The following ESYT2 variants were observed in gnomAD, a reference collection of about 807,000 sequenced individuals.
ESYT2 encodes the protein extended synaptotagmin-2.
In ESYT2, 54 loss-of-function variants were observed where a neutral mutation model predicts 107.2. That is an observed-to-expected ratio of 0.50 (90% CI 0.40 to 0.63). The LOEUF (loss-of-function observed/expected upper bound fraction) is 0.63, where lower values mean the gene tolerates loss of function less well. ESYT2 is among the 30% of genes least tolerant of loss of function. ESYT2 has a pLI of 0.00. For synonymous variants in ESYT2, 491 were observed against 434.1 expected (o/e 1.13, Z -1.63); for missense variants, 1,020 against 1,094.5 (o/e 0.93, Z 0.96).
rs2129471036 is a variant in ESYT2, at chr7:158,733,612, TA to T, written c.*594del. ...TACATCCTTATATTTATGAAAATGT[TA>T]ATATTTTGAATACTTTATTTCATCT... On this transcript the variant is annotated 3_prime_UTR_variant, in exon 23 of 23. Transcript: ENST00000275418. 1 of 152,370 alleles carries T rather than the reference TA, an allele frequency of 6.6e-6. No homozygotes were observed. The highest frequency in any genetic ancestry group is 1.5e-5 in the Non-Finnish European group (1 of 68,062). 9.4% of individuals were successfully genotyped at this position (152,370 alleles called of 1,614,324 possible). A position where few individuals can be genotyped will look rare whatever the true frequency, so the allele number is the denominator to read the frequency against.
intron 1 of ESYT2, among the ~76,000 whole-genome samples, chr7:158,816,534 G>A (rs573812022): frequency 2.0e-5 from 3 of 152,314 alleles, no homozygotes; most frequent in South Asian, 2.1e-4. Flanking sequence ...CCTCCAGAGT[G>A]CACACCCTGC....
Position 158,778,458 on chromosome 7 carries a change from T to TA in ESYT2, c.748-5063dup, listed in dbSNP as rs199845668. ...GTTACTTGTATTATGGATAAAAATG[T>TA]AAAAAAAAAAAAAAAGATAAATGTA... On this transcript the variant is annotated intron_variant, in intron 6 of 22. Coordinates refer to ENST00000275418, the MANE Select transcript of ESYT2 (RefSeq NM_001367773.1). 8.5e-3 allele frequency among the ~76,000 whole-genome samples: 1,068 copies of TA among 125,494 alleles called. 9 individuals carry two copies. Among genetic ancestry groups the TA allele is most frequent in the African/African-American group, 0.016 (556 of 34,038 alleles). 82.3% of individuals were successfully genotyped at this position (125,494 alleles called of 152,430 possible). A position where few individuals can be genotyped will look rare whatever the true frequency, so the allele number is the denominator to read the frequency against.
chr7:158,732,512 G>A lies in ESYT2; in HGVS notation c.*1695C>T, dbSNP rs1232787977. On this transcript the variant is annotated 3_prime_UTR_variant, in exon 23 of 23. Coordinates refer to ENST00000275418, the MANE Select transcript of ESYT2 (RefSeq NM_001367773.1). Reference sequence around the variant, plus strand: ...TCTTTATGATTACATGAAATATGCTGTGAAGCTACAGACTCCATTATAAGT... The same window carrying A: ...TCTTTATGATTACATGAAATATGCTATGAAGCTACAGACTCCATTATAAGT... 5 of 152,258 alleles carry A rather than the reference G, an allele frequency of 3.3e-5. No homozygotes were observed. Among genetic ancestry groups the A allele is most frequent in the African/African-American group, 1.2e-4 (5 of 41,464 alleles). The allele number at this position is 152,258 out of a possible 1,614,324, so 9.4% of individuals were successfully genotyped here. A position where few individuals can be genotyped will look rare whatever the true frequency, so the allele number is the denominator to read the frequency against.
chr7:158,826,821 A>AAAG (rs1291371446), intron 1 of ESYT2, among the ~76,000 whole-genome samples: 1 of 149,680 alleles, frequency 6.7e-6, no homozygotes, highest in African/African-American at 2.5e-5. Flanking sequence ...TTCCGTCTCA[A>AAAG]AAAAAAAAAA....
chr7:158,761,581 A>T, intron 10 of ESYT2, 37 bp from the exon 11 acceptor site: 1 of 1,566,538 alleles, frequency 6.4e-7, no homozygotes, highest in African/African-American at 1.4e-5. Flanking sequence ...TAGAACATAG[A>T]AACACATTTC....
rs760633476 is a variant in ESYT2, at chr7:158,752,820, G to A, written c.1443C>T (p.Pro481=). ...NLPSNPLEFN[P]DVLKKTAVQR... Reference sequence around the variant, plus strand: ...GAACTGCAGTCTTCTTCAAGACATCGGGGTTAAATTCTAATGGGTTACTCT... The same window carrying A: ...GAACTGCAGTCTTCTTCAAGACATCAGGGTTAAATTCTAATGGGTTACTCT... The change falls in exon 14 of 23, where the codon CCC becomes CCT. Residue 481 remains proline, a synonymous_variant. Coordinates refer to ENST00000275418, the MANE Select transcript of ESYT2 (RefSeq NM_001367773.1). 52 of 1,303,860 alleles carry A rather than the reference G, an allele frequency of 4.0e-5. No homozygotes were observed. The African/African-American group carries it at 6.8e-4, about 17-fold the overall frequency. 80.8% of individuals were successfully genotyped at this position (1,303,860 alleles called of 1,614,324 possible).
Position 158,788,119 on chromosome 7 carries a change from A to C in ESYT2, c.658-26T>G, listed in dbSNP as rs577527758. On this transcript the variant is annotated intron_variant, in intron 5 of 22. Coordinates refer to ENST00000275418, the MANE Select transcript of ESYT2 (RefSeq NM_001367773.1). ...CTAAACTCAAACAGGAAACCAAAAT[A>C]TGTAATAGAAAACATTCTGCAGGGC... is the stretch of plus-strand genomic sequence containing the variant. The C allele has an allele frequency of 5.0e-6, 8 of 1,585,444 alleles. No homozygotes were observed. In the South Asian group the frequency reaches 8.9e-5, roughly 18 times the overall value.
rs114849966 is a variant in ESYT2 at position 158,766,519 on chromosome 7, A to C, written c.924+1135T>G. ...ATACAGCATCACATTAAAGCTGTTG[A>C]ATGCCAGCGATATAACCAATTTGAG... On this transcript the variant is annotated intron_variant, in intron 8 of 22. Coordinates refer to ENST00000275418, the MANE Select transcript of ESYT2 (RefSeq NM_001367773.1). Among the ~76,000 whole-genome samples, 1,323 of 152,326 alleles carry C rather than the reference A, an allele frequency of 8.7e-3. 19 individuals are homozygous for C. Among genetic ancestry groups the C allele is most frequent in the African/African-American group, 0.03 (1,229 of 41,560 alleles).
At chr7:158,778,031 G>A (rs988780614) in intron 6 of ESYT2, among the ~76,000 whole-genome samples, 1 of 152,110 alleles carries the variant, frequency 6.6e-6, no homozygotes, top group Admixed American at 6.6e-5. Flanking sequence ...GCACAATAAA[G>A]CGAGGTGTGC....
chr7:158,820,819 C>A (rs577091835), intron 1 of ESYT2, among the ~76,000 whole-genome samples: 8 of 152,240 alleles, frequency 5.3e-5, no homozygotes, highest in East Asian at 1.9e-4. Context: ...TTGAAAAAAA[C>A]CCACCAATTC....
intron 1 of ESYT2, among the ~76,000 whole-genome samples, chr7:158,802,638 G>C (rs912459480): frequency 3.3e-5 from 5 of 152,206 alleles, no homozygotes; most frequent in African/African-American, 4.8e-5. Context: ...AGGGAATGTA[G>C]AGGAGTTATT....
At position 158,748,194 on chromosome 7, in the gene ESYT2, C is replaced by G; in HGVS notation, c.1644G>C (p.Glu548Asp). 6.2e-7 allele frequency: 1 copy of G among 1,613,136 alleles called. No individual in the cohort carries two copies. Among genetic ancestry groups the G allele is most frequent in the Non-Finnish European group, 8.5e-7 (1 of 1,179,618 alleles). ...TGGTTAAAAAATGCAAATAAAATAC[C>G]TCAACTTCAAGGTCCTGGCGCTTGG... ...HNPKRQDLEV[E>D]VRDEQHQCSL... Residue 548 changes from glutamate to aspartate, a missense_variant and splice_region_variant, in exon 16 of 23, where the codon GAG becomes GAC. Coordinates refer to ENST00000275418, the MANE Select transcript of ESYT2 (RefSeq NM_001367773.1).
chr7:158,823,801 T>A (rs1283277976), intron 1 of ESYT2, among the ~76,000 whole-genome samples: 1 of 152,184 alleles, frequency 6.6e-6, no homozygotes, highest in Non-Finnish European at 1.5e-5. Flanking sequence ...CATAGGTTCA[T>A]TAGGTCTAAC....
chr7:158,776,416 A>C (rs544629784), intron 6 of ESYT2, among the ~76,000 whole-genome samples: 3 of 152,376 alleles, frequency 2.0e-5, no homozygotes, highest in East Asian at 3.9e-4. Context: ...TCTGTTGTTT[A>C]GTGGAGCCAC....
In ESYT2 at chr7:158,814,056, G is replaced by A. The variant is rs113651501; in HGVS notation, c.331-14984C>T. On this transcript the variant is annotated intron_variant, in intron 1 of 22. Coordinates refer to ENST00000275418, the MANE Select transcript of ESYT2 (RefSeq NM_001367773.1). ...TGGGAGGCCGAGGCAGGTGGATCAC[G>A]AGGTCAGGAGACAGAGATCATCCTG... Among the ~76,000 whole-genome samples the A allele has an allele frequency of 3.2e-4, 48 of 151,964 alleles. 3 individuals carry two copies. Among genetic ancestry groups the A allele is most frequent in the African/African-American group, 1.1e-3 (44 of 41,440 alleles).
rs1472016003 is a variant in ESYT2, at chr7:158,733,726, CT to C, written c.*480del. The C allele has an allele frequency of 1.3e-5, 2 of 152,538 alleles. No homozygotes were observed. Among genetic ancestry groups the C allele is most frequent in the Non-Finnish European group, 2.9e-5 (2 of 68,152 alleles). 9.4% of individuals were successfully genotyped at this position (152,538 alleles called of 1,614,324 possible). A position where few individuals can be genotyped will look rare whatever the true frequency, so the allele number is the denominator to read the frequency against. ...ACACCACAAAATAGGTCACTGAGAA[CT>C]TTTTGCTGCCAAGATGAAAATGATT... is the stretch of plus-strand genomic sequence containing the variant. On this transcript the variant is annotated 3_prime_UTR_variant, in exon 23 of 23. Transcript: ENST00000275418.
chr7:158,789,480 C>A (rs1839215168), intron 4 of ESYT2, among the ~76,000 whole-genome samples: 1 of 149,806 alleles, frequency 6.7e-6, no homozygotes, highest in South Asian at 2.1e-4. Context: ...CCTCAGCCTT[C>A]CGAGTAGCTG....
chr7:158,771,956 TA>T (rs201518946), intron 7 of ESYT2, among the ~76,000 whole-genome samples: 4 of 151,864 alleles, frequency 2.6e-5, no homozygotes, highest in South Asian at 2.1e-4. Flanking sequence ...CCATCTCTAC[TA>T]AAAAAATACA....
At chr7:158,828,894 T>A (rs1840541477) in intron 1 of ESYT2, among the ~76,000 whole-genome samples, 195 bp downstream of exon 1, 1 of 138,738 alleles carries the variant, frequency 7.2e-6, no homozygotes, top group South Asian at 2.4e-4. Context: ...GGGGCTGGGG[T>A]CTGCACTCGC....
Sources: gnomAD v4.1 joint callset for allele counts (sites outside exome capture counted in the v4.1 genomes callset) on GRCh38, gnomAD v4.1.1 for gene constraint, MANE v1.5 for transcripts, NCBI Gene and HGNC (gene_info 2026-07-23, HGNC 2026-07-21) for gene names.